The following NBN variants were observed in gnomAD, a reference collection of about 807,000 sequenced individuals.
NBN encodes Nijmegen breakage syndrome 1 (nibrin).
In NBN, 88 loss-of-function variants were observed where a neutral mutation model predicts 90.8. The observed-to-expected ratio is 0.97, with a 90% CI of 0.82 to 1.16. The LOEUF is 1.16. Ranked by LOEUF, NBN falls within the 50% of genes most tolerant of loss-of-function variation. NBN has a pLI of 0.00. For synonymous variants in NBN, 328 were observed against 295.1 expected (o/e 1.11, Z -1.14); for missense variants, 894 against 869.6 (o/e 1.03, Z -0.35).
chr8:89,982,659 A>C, intron 2 of NBN, 63 bp downstream of exon 2: 1 of 1,401,590 alleles, frequency 7.1e-7, no homozygotes, highest in Admixed American at 1.7e-5. Context: ...ATACAAACCA[A>C]GAGAATATTT....
rs200287925 is a variant in NBN at position 89,982,766 on chromosome 8, G to A, written c.127C>T (p.Arg43Ter). The A allele has an allele frequency of 4.2e-5, 67 of 1,613,736 alleles. No homozygotes were observed. The highest frequency in any genetic ancestry group is 6.7e-5 in the African/African-American group (5 of 74,858). Reference protein sequence around the residue: ...ILIENDQSISRNHAVLTANFS... With the variant: ...ILIENDQSIS The stretch of plus-strand genomic sequence containing the variant: ...TTAGCAGTTAACACAGCATGATTTC[G>A]GCTGATCGACTGATCATTTTCAATC... The change falls in exon 2 of 16, where the codon CGA (arginine) becomes TGA (stop). Residue 43 changes from arginine to a stop codon, truncating the protein, a stop_gained. Coordinates refer to ENST00000265433, the MANE Select transcript of NBN (RefSeq NM_002485.5). LOFTEE classifies it high-confidence loss of function.
intron 5 of NBN, among the ~76,000 whole-genome samples, chr8:89,975,523 A>T (rs1258190186): frequency 6.6e-6 from 1 of 152,254 alleles, no homozygotes; most frequent in Non-Finnish European, 1.5e-5. Flanking sequence ...AAATATATTT[A>T]AAAATTGTAT....
At chr8:89,958,646 T>C (rs948521367) in intron 9 of NBN, 79 bp downstream of exon 9, 5 of 1,488,792 alleles carry the variant, frequency 3.4e-6, no homozygotes, top group Non-Finnish European at 4.7e-6. Flanking sequence ...GACAACCTGA[T>C]AAAGGGCATT....
At chr8:89,971,327 T>C in intron 5 of NBN, 37 bp from the exon 6 acceptor site, 1 of 1,568,554 alleles carries the variant, frequency 6.4e-7, no homozygotes, top group Non-Finnish European at 8.7e-7. Flanking sequence ...AATTATATAC[T>C]ACTATGTTTG....
At position 89,978,248 on chromosome 8, in the gene NBN, A is replaced by T. The variant is rs1586101246; in HGVS notation, c.556T>A (p.Ser186Thr). The change falls in exon 5 of 16, where the codon TCC (serine) becomes ACC (threonine). Residue 186 changes from serine (S) to threonine (T), a missense_variant. Coordinates refer to ENST00000265433, the MANE Select transcript of NBN (RefSeq NM_002485.5). Reference sequence around the variant, plus strand: ...TCAATTTGTGGAGGCTGCTTCTTGGACTCAACTGCTTTCAGGAATTCAGTA... The same window carrying T: ...TCAATTTGTGGAGGCTGCTTCTTGGTCTCAACTGCTTTCAGGAATTCAGTA... ...YFTEFLKAVE[S>T]KKQPPQIESF... 6.2e-7 allele frequency: 1 copy of T among 1,606,884 alleles called. No individual in the cohort carries two copies. Among genetic ancestry groups the T allele is most frequent in the Admixed American group, 1.7e-5 (1 of 60,002 alleles).
intron 14 of NBN, among the ~76,000 whole-genome samples, chr8:89,938,691 A>G (rs895629845): frequency 1.3e-5 from 2 of 152,342 alleles, no homozygotes; most frequent in Admixed American, 6.5e-5. Context: ...CTGAATCTCT[A>G]GAGCAAGCCT....
chr8:89,975,417 T>C (rs1811706907), intron 5 of NBN, among the ~76,000 whole-genome samples: 1 of 152,202 alleles, frequency 6.6e-6, no homozygotes, highest in Non-Finnish European at 1.5e-5. Context: ...AAATTGAATC[T>C]TTTTTCTGTT....
At position 89,982,821 on chromosome 8, in the gene NBN, G is replaced by A. The variant is rs1001590969; in HGVS notation, c.72C>T (p.Tyr24=). 3 of 1,613,316 alleles carry A rather than the reference G, an allele frequency of 1.9e-6. No homozygotes were observed. The highest frequency in any genetic ancestry group is 4.5e-5 in the East Asian group (2 of 44,850). Reference sequence around the variant, plus strand: ...TGGCACAGTTTTTCCTTCCAACAACGTACTCAACGCCAGTCAAAAGTCTGT... The same window carrying A: ...TGGCACAGTTTTTCCTTCCAACAACATACTCAACGCCAGTCAAAAGTCTGT... ...EPYRLLTGVE[Y]VVGRKNCAIL... is the part of the protein sequence containing the mutation. Residue 24 remains tyrosine (Y), a synonymous_variant, in exon 2 of 16, where the codon TAC becomes TAT. Coordinates refer to ENST00000265433, the MANE Select transcript of NBN (RefSeq NM_002485.5).
chr8:89,965,639 A>T (rs896815398), intron 7 of NBN, among the ~76,000 whole-genome samples: 3 of 151,968 alleles, frequency 2.0e-5, no homozygotes, highest in Non-Finnish European at 4.4e-5. Context: ...ACAGGCGCGC[A>T]CCAACACACC....
chr8:89,984,301 G>A (rs1315393424), intron 1 of NBN: 2 of 613,574 alleles, frequency 3.3e-6, no homozygotes, highest in Non-Finnish European at 6.0e-6. Context: ...CTGCCACCAG[G>A]GGGCGCCGCA....
chr8:89,980,608 G>T, intron 4 of NBN, 126 bp downstream of exon 4: 4 of 734,724 alleles, frequency 5.4e-6, no homozygotes, highest in Admixed American at 2.5e-5. Context: ...GATGGAGTGG[G>T]TATATATAAA....
At chr8:89,967,577 A>G (rs954566011) in intron 7 of NBN, among the ~76,000 whole-genome samples, 3 of 152,218 alleles carry the variant, frequency 2.0e-5, no homozygotes, top group South Asian at 4.1e-4. Context: ...AGGCTGGGGA[A>G]CAGGTCAGGA....
intron 7 of NBN, among the ~76,000 whole-genome samples, chr8:89,966,292 A>T (rs972914922): frequency 3.3e-5 from 5 of 152,210 alleles, no homozygotes; most frequent in African/African-American, 1.2e-4. Flanking sequence ...CTTATAGATG[A>T]TAATGATTTA....
At chr8:89,953,138 T>G (rs1056112990) in intron 11 of NBN, 106 bp downstream of exon 11, 2 of 820,586 alleles carry the variant, frequency 2.4e-6, no homozygotes, top group African/African-American at 3.3e-5. Flanking sequence ...TAGTACTGAG[T>G]GTTAAAGACA....
rs1811465977 is a variant in NBN, at chr8:89,970,544, C to T, written c.716G>A (p.Ser239Asn). The T allele has an allele frequency of 6.2e-7, 1 of 1,613,482 alleles. No homozygotes were observed. The highest frequency in any genetic ancestry group is 8.5e-7 in the Non-Finnish European group (1 of 1,179,482). The change falls in exon 7 of 16, where the codon AGT (serine) becomes AAT (asparagine). Residue 239 changes from serine to asparagine, a missense_variant. By Grantham distance (46) the Ser-to-Asn change is conservative (BLOSUM62 1). Transcript: ENST00000265433. ...FLNAKQHKKL[S>N]SAVVFGGGEA... ...CCCACCTCCAAAGACAACTGCGGAACTCAATTTCTTATGCTAAAAATGGAA... is the reference window on the plus strand; with the variant it reads ...CCCACCTCCAAAGACAACTGCGGAATTCAATTTCTTATGCTAAAAATGGAA...
intron 5 of NBN, among the ~76,000 whole-genome samples, chr8:89,977,411 T>C (rs971270033): frequency 5.9e-5 from 9 of 152,212 alleles, no homozygotes; most frequent in Non-Finnish European, 1.3e-4. Context: ...CATTCTCTTT[T>C]ATGGCTGCAT....
intron 7 of NBN, 111 bp downstream of exon 7, chr8:89,970,253 A>C (rs1163620393): frequency 7.0e-6 from 7 of 993,772 alleles, no homozygotes; most frequent in African/African-American, 1.6e-5. Flanking sequence ...CCGTCTCAAA[A>C]AAAAAAAATT....
chr8:89,940,357 C>CA (rs1161973291), intron 14 of NBN, among the ~76,000 whole-genome samples: 1 of 152,084 alleles, frequency 6.6e-6, no homozygotes, highest in Non-Finnish European at 1.5e-5. Flanking sequence ...CTCCCGGGTT[C>CA]AAGTGATCCT....
At chr8:89,980,363 G>T (rs1480455026) in intron 4 of NBN, among the ~76,000 whole-genome samples, 1 of 151,370 alleles carries the variant, frequency 6.6e-6, no homozygotes, top group African/African-American at 2.4e-5. Context: ...AAGACAACTT[G>T]ATAGAAAGAC....
Sources: gnomAD v4.1 joint callset for allele counts (sites outside exome capture counted in the v4.1 genomes callset) on GRCh38, gnomAD v4.1.1 for gene constraint, MANE v1.5 for transcripts, NCBI Gene and HGNC (gene_info 2026-07-23, HGNC 2026-07-21) for gene names.